The following CSMD1 variants were observed in gnomAD, a reference collection of about 807,000 sequenced individuals.
CSMD1 encodes the protein CUB and sushi domain-containing protein 1.
In CSMD1, 213 loss-of-function variants were observed where a neutral mutation model predicts 417.5. The ratio of observed to expected loss-of-function variants is 0.51; its 90% CI spans 0.46 to 0.57. The LOEUF (loss-of-function observed/expected upper bound fraction) is 0.57. Among genes scored for constraint, CSMD1 ranks in the 20% least tolerant of loss-of-function variants. CSMD1 has a pLI of 0.00. For synonymous variants in CSMD1, 2,862 were observed against 1,736.8 expected, an observed-to-expected ratio of 1.65 and a Z score of -16.11; for missense variants, 6,923 against 4,529.7, an observed-to-expected ratio of 1.53 and a Z score of -15.17.
chr8:3,411,688 A>G (rs1207107662), intron 12 of CSMD1, among the ~76,000 whole-genome samples: 1 of 135,226 alleles, frequency 7.4e-6, no homozygotes, highest in African/African-American at 2.7e-5. Flanking sequence ...ATACGTGTAT[A>G]TATACACACG....
At chr8:3,793,808 A>C (rs1799885527) in intron 5 of CSMD1, among the ~76,000 whole-genome samples, 3 of 152,146 alleles carry the variant, frequency 2.0e-5, no homozygotes. Flanking sequence ...TTTATGCCCC[A>C]GGGCACTAAA....
intron 1 of CSMD1, among the ~76,000 whole-genome samples, chr8:4,831,621 CT>C (rs200341127): frequency 6.6e-6 from 1 of 152,074 alleles, no homozygotes; most frequent in Non-Finnish European, 1.5e-5. Context: ...TGGTGACACT[CT>C]TTCTTTCGCT....
At chr8:4,312,782 G>C (rs1373608420) in intron 3 of CSMD1, among the ~76,000 whole-genome samples, 1 of 152,132 alleles carries the variant, frequency 6.6e-6, no homozygotes, top group Non-Finnish European at 1.5e-5. Context: ...GCTGAAGCAG[G>C]ATAATTGCTT....
At chr8:3,332,144 T>C (rs1040605654) in intron 23 of CSMD1, among the ~76,000 whole-genome samples, 1 of 152,228 alleles carries the variant, frequency 6.6e-6, no homozygotes, top group Non-Finnish European at 1.5e-5. Context: ...TACATAAATG[T>C]AAATGTTTGT....
intron 5 of CSMD1, among the ~76,000 whole-genome samples, chr8:3,835,280 G>A (rs1802615141): frequency 2.0e-5 from 3 of 152,042 alleles, no homozygotes; most frequent in South Asian, 2.1e-4. Flanking sequence ...TATGTTTACT[G>A]CGGCACTATT....
chr8:4,660,096 G>A (rs1804496456), intron 1 of CSMD1, among the ~76,000 whole-genome samples: 2 of 144,874 alleles, frequency 1.4e-5, no homozygotes, highest in Non-Finnish European at 3.0e-5. Flanking sequence ...ATATATAATT[G>A]GGAGTTCTCA....
intron 3 of CSMD1, among the ~76,000 whole-genome samples, chr8:4,223,875 T>A (rs1161663730): frequency 6.6e-6 from 1 of 152,206 alleles, no homozygotes; most frequent in African/African-American, 2.4e-5. Flanking sequence ...CTAAAAGTCC[T>A]GCATGGAAAA....
At chr8:3,072,681 G>A (rs1214711247) in intron 49 of CSMD1, among the ~76,000 whole-genome samples, 1 of 152,160 alleles carries the variant, frequency 6.6e-6, no homozygotes, top group African/African-American at 2.4e-5. Flanking sequence ...TAGGGAAGCA[G>A]ATGTGGCAGA....
intron 2 of CSMD1, among the ~76,000 whole-genome samples, chr8:4,620,170 T>C (rs1307094030): frequency 3.3e-5 from 5 of 151,798 alleles, no homozygotes; most frequent in East Asian, 3.9e-4. Flanking sequence ...TATGTCTCCA[T>C]TGTGTTTGGT....
chr8:3,723,602 G>C (rs1040114072), intron 6 of CSMD1, among the ~76,000 whole-genome samples: 1 of 152,092 alleles, frequency 6.6e-6, no homozygotes. Context: ...ATGAAATTCG[G>C]GTTTTCAAGA....
intron 5 of CSMD1, among the ~76,000 whole-genome samples, chr8:3,865,651 T>C (rs114245671): frequency 5.5e-4 from 84 of 152,270 alleles, no homozygotes; most frequent in African/African-American, 2.0e-3. Context: ...ATCGATGAAA[T>C]TCCATCAGTC....
At chr8:4,381,977 G>A (rs935542864) in intron 3 of CSMD1, among the ~76,000 whole-genome samples, 1 of 152,060 alleles carries the variant, frequency 6.6e-6, no homozygotes, top group African/African-American at 2.4e-5. Context: ...ACTCTCTGTG[G>A]TAAAATGACC....
intron 7 of CSMD1, among the ~76,000 whole-genome samples, chr8:3,642,728 G>A (rs545207780): frequency 6.6e-6 from 1 of 152,148 alleles, no homozygotes; most frequent in East Asian, 1.9e-4. Flanking sequence ...ATTAGTAAAA[G>A]AAAGACTAGA....
chr8:3,125,712 C>G (rs1245785746), intron 41 of CSMD1, among the ~76,000 whole-genome samples: 1 of 152,204 alleles, frequency 6.6e-6, no homozygotes, highest in Non-Finnish European at 1.5e-5. Context: ...TGCCGTGGCT[C>G]ATGCCTGTAA....
At chr8:4,352,734 G>C (rs182484772) in intron 3 of CSMD1, among the ~76,000 whole-genome samples, 179 of 152,306 alleles carry the variant, frequency 1.2e-3, no homozygotes, top group African/African-American at 3.9e-3. Context: ...TCTGTTCTGA[G>C]ATTTAAGAGT....
Position 3,466,238 on chromosome 8 carries a change from G to C in CSMD1, c.1561+2474C>G, listed in dbSNP as rs73497480. ...TTTAATGACGAGTCTGATACACAAA[G>C]GGTTTAAATAACTTACACTAAGGTT... On this transcript the variant is annotated intron_variant, in intron 12 of 69. Transcript: ENST00000635120. Among the ~76,000 whole-genome samples the C allele has an allele frequency of 8.7e-3, 1,320 of 151,766 alleles. 23 individuals are homozygous for C. Among genetic ancestry groups the C allele is most frequent in the African/African-American group, 0.031 (1,273 of 41,362 alleles).
chr8:4,764,927 T>C (rs1157452896), intron 1 of CSMD1, among the ~76,000 whole-genome samples: 1 of 141,154 alleles, frequency 7.1e-6, no homozygotes, highest in African/African-American at 2.7e-5. Context: ...TTGCTGAGGA[T>C]GGTTATTTGA....
intron 1 of CSMD1, among the ~76,000 whole-genome samples, chr8:4,828,149 T>A (rs1030887275): frequency 6.6e-6 from 1 of 152,142 alleles, no homozygotes; most frequent in African/African-American, 2.4e-5. Flanking sequence ...CACGAGGAAA[T>A]TCACTTCCAT....
At chr8:4,612,213 C>A (rs1479587565) in intron 2 of CSMD1, among the ~76,000 whole-genome samples, 2 of 152,128 alleles carry the variant, frequency 1.3e-5, no homozygotes, top group Admixed American at 1.3e-4. Context: ...ACACTGCCTT[C>A]ATCACCTTTG....
Sources: allele counts gnomAD v4.1 joint callset (sites outside exome capture counted in the v4.1 genomes callset), GRCh38; gene constraint gnomAD v4.1.1; transcripts MANE v1.5; gene names NCBI Gene and HGNC (gene_info 2026-07-23, HGNC 2026-07-21).